The following HTR2A variants were observed in gnomAD, a reference collection of about 807,000 sequenced individuals.
HTR2A encodes the protein 5-HT2 receptor.
A neutral mutation model predicts 31.0 loss-of-function variants in HTR2A; 14 were observed. That is an observed-to-expected ratio of 0.45 (90% confidence interval 0.30 to 0.71). HTR2A has a LOEUF of 0.71. Among genes scored for constraint, HTR2A ranks in the 30% least tolerant of loss-of-function variants. HTR2A has a pLI of 0.09. For missense variants in HTR2A, 442 were observed against 573.3 expected, an observed-to-expected ratio of 0.77 and a Z score of 2.34; for synonymous variants, 209 against 225.2, an observed-to-expected ratio of 0.93 and a Z score of 0.64.
chr13:46,834,985 T>C lies in HTR2A; in HGVS notation c.1268A>G (p.Gln423Arg). Residue 423 changes from glutamine to arginine, a missense_variant, in exon 4 of 4, where the codon CAA (glutamine) becomes CGA (arginine). By Grantham distance (43) the Gln-to-Arg change is conservative. Transcript: ENST00000542664. Reference protein sequence around the residue: ...TIPALAYKSSQLQMGQKKNSK... With the variant: ...TIPALAYKSSRLQMGQKKNSK... ...ATTCTTTTTTTGTCCCATTTGAAGTTGGCTAGACTTGTAGGCCAAAGCCGG... is the reference window on the plus strand; with the variant it reads ...ATTCTTTTTTTGTCCCATTTGAAGTCGGCTAGACTTGTAGGCCAAAGCCGG... The C allele has an allele frequency of 6.2e-7, 1 of 1,614,182 alleles. No individual in the cohort carries two copies. Among genetic ancestry groups the C allele is most frequent in the Non-Finnish European group, 8.5e-7 (1 of 1,179,998 alleles).
chr13:46,863,442 G>T (rs1950794770), intron 3 of HTR2A, among the ~76,000 whole-genome samples: 1 of 151,728 alleles, frequency 6.6e-6, no homozygotes, highest in South Asian at 2.1e-4. Flanking sequence ...GGGCAACATA[G>T]CAGCGCCTCA....
At chr13:46,863,644 A>AGAAAG (rs1337351916) in intron 3 of HTR2A, among the ~76,000 whole-genome samples, 19 of 88,194 alleles carry the variant, frequency 2.2e-4, no homozygotes, top group Non-Finnish European at 4.3e-4. Flanking sequence ...AAAAAAAAAA[A>AGAAAG]AAAAAGAAAA....
rs111460355 is a variant in HTR2A, at chr13:46,883,106, A to T, written c.613+9284T>A. On this transcript the variant is annotated intron_variant, in intron 3 of 3. Transcript: ENST00000542664. ...GCAGCCAATTATAGAAAATAAAAACATAACATGAAGCGATGCTAAAACCCC... is the reference window on the plus strand; with the variant it reads ...GCAGCCAATTATAGAAAATAAAAACTTAACATGAAGCGATGCTAAAACCCC... Among the ~76,000 whole-genome samples, 1,090 of 152,368 alleles carry T rather than the reference A, an allele frequency of 7.2e-3. 13 individuals carry two copies. Among genetic ancestry groups the T allele is most frequent in the African/African-American group, 0.025 (1,041 of 41,592 alleles).
At chr13:46,846,177 T>C (rs6561333) in intron 3 of HTR2A, among the ~76,000 whole-genome samples, 91,113 of 152,014 alleles carry the variant, frequency 0.6, 28,725 homozygotes, top group African/African-American at 0.8. Context: ...GTCATTTAAT[T>C]GGAGTTTTTT....
chr13:46,870,282 G>A (rs1950854729), intron 3 of HTR2A, among the ~76,000 whole-genome samples: 1 of 152,138 alleles, frequency 6.6e-6, no homozygotes, highest in South Asian at 2.1e-4. Context: ...CTAAACTACT[G>A]TCTTGAACAT....
chr13:46,871,773 TTAGAAG>T (rs1159792149), intron 3 of HTR2A, among the ~76,000 whole-genome samples: 1 of 152,168 alleles, frequency 6.6e-6, no homozygotes, highest in Non-Finnish European at 1.5e-5. Flanking sequence ...ATGTGGAAAC[TTAGAAG>T]TAGAATCTCT....
chr13:46,881,898 T>C (rs1950967218), intron 3 of HTR2A, among the ~76,000 whole-genome samples: 1 of 152,238 alleles, frequency 6.6e-6, no homozygotes, highest in African/African-American at 2.4e-5. Context: ...TTTCAAGCAT[T>C]TTTTTTCCAG....
At chr13:46,856,630 G>A (rs1057128009) in intron 3 of HTR2A, among the ~76,000 whole-genome samples, 2 of 152,016 alleles carry the variant, frequency 1.3e-5, no homozygotes, top group Non-Finnish European at 2.9e-5. Flanking sequence ...TAGGCTGAAT[G>A]GGCCATTTGT....
intron 3 of HTR2A, among the ~76,000 whole-genome samples, chr13:46,864,112 A>G (rs1950802375): frequency 6.6e-6 from 1 of 152,162 alleles, no homozygotes; most frequent in Admixed American, 6.5e-5. Context: ...TGTCCTTTGC[A>G]GGGACATGGA....
chr13:46,869,303 A>C (rs1163088385), intron 3 of HTR2A, among the ~76,000 whole-genome samples: 2 of 152,212 alleles, frequency 1.3e-5, no homozygotes, highest in Non-Finnish European at 2.9e-5. Flanking sequence ...CAAAGAAGAC[A>C]TTACAAATGA....
At chr13:46,835,713 T>C (rs1047031697) in intron 3 of HTR2A, 74 bp from the exon 4 acceptor site, 51 of 1,089,416 alleles carry the variant, frequency 4.7e-5, no homozygotes, top group Non-Finnish European at 6.8e-5. Context: ...CATCACATAA[T>C]ATTGGCTATT....
chr13:46,883,282 A>G (rs899876633), intron 3 of HTR2A, among the ~76,000 whole-genome samples: 4 of 152,198 alleles, frequency 2.6e-5, no homozygotes, highest in African/African-American at 9.6e-5. Flanking sequence ...GATTCTATGT[A>G]AGGTGTCACA....
intron 3 of HTR2A, among the ~76,000 whole-genome samples, chr13:46,864,129 C>CTGG (rs371868735): frequency 7.0e-4 from 107 of 152,064 alleles, no homozygotes; most frequent in African/African-American, 2.5e-3. Flanking sequence ...TGGATGGAGC[C>CTGG]TGGAGGCCAT....
rs1012865045 is a variant in HTR2A, at chr13:46,896,822, C to T, written c.-477G>A. On this transcript the variant is annotated 5_prime_UTR_variant, in exon 1 of 4. Transcript: ENST00000542664. ...AATTTGGTTTCTGTTTTGCTGACTT[C>T]AAAAACTGCATGCAAGAGCTGAGCC... 2 of 1,536,876 alleles carry T rather than the reference C, an allele frequency of 1.3e-6. No homozygotes were observed. Among genetic ancestry groups the T allele is most frequent in the African/African-American group, 2.7e-5 (2 of 73,032 alleles).
At position 46,835,150 on chromosome 13, in the gene HTR2A, A is replaced by C. The variant is rs1337083147; in HGVS notation, c.1103T>G (p.Ile368Ser). The stretch of plus-strand genomic sequence containing the variant: ...GTTGACTGCTGAAGAGAGATAACCG[A>C]TCCAAACAAACACATTGAGCAGGGC... ...IGALLNVFVWIGYLSSAVNPL... is the reference protein window; with the variant it reads ...IGALLNVFVWSGYLSSAVNPL... The change falls in exon 4 of 4, where the codon ATC (isoleucine) becomes AGC (serine). Residue 368 changes from isoleucine (I) to serine (S), a missense_variant. Around this residue, in one of 5 missense-constraint regions of HTR2A, gnomAD observed 174 missense variants for 195.1 expected, o/e 0.89. Coordinates refer to ENST00000542664, the MANE Select transcript of HTR2A (RefSeq NM_000621.5). 1 of 1,614,078 alleles carries C rather than the reference A, an allele frequency of 6.2e-7. No individual in the cohort carries two copies.
intron 3 of HTR2A, among the ~76,000 whole-genome samples, chr13:46,883,385 T>A (rs1485551918): frequency 3.9e-5 from 6 of 152,086 alleles, no homozygotes; most frequent in African/African-American, 1.4e-4. Context: ...ATTATGTTTA[T>A]CCTTGAGGGA....
chr13:46,847,252 G>T (rs1270474946), intron 3 of HTR2A, among the ~76,000 whole-genome samples: 1 of 152,168 alleles, frequency 6.6e-6, no homozygotes, highest in African/African-American at 2.4e-5. Flanking sequence ...GTTCTGCTAG[G>T]ATTTCTACCC....
rs1355675306 is a variant in HTR2A, at chr13:46,834,153, A to T, written c.*684T>A. On this transcript the variant is annotated 3_prime_UTR_variant, in exon 4 of 4. Transcript: ENST00000542664. ...AGTAAAGCACAAGAAGTAGAAGAGA[A>T]AGCAGCAATAGTTATTGAATAACAT... 6.5e-6 allele frequency: 1 copy of T among 152,676 alleles called. No individual in the cohort carries two copies. Among genetic ancestry groups the T allele is most frequent in the Non-Finnish European group, 1.5e-5 (1 of 68,044 alleles). The allele number at this position is 152,676 out of a possible 1,614,324, so 9.5% of individuals were successfully genotyped here.
At chr13:46,871,445 C>A (rs1395161839) in intron 3 of HTR2A, among the ~76,000 whole-genome samples, 1 of 152,172 alleles carries the variant, frequency 6.6e-6, no homozygotes, top group Non-Finnish European at 1.5e-5. Flanking sequence ...CTATTACAGG[C>A]TGCTGAACCA....
Sources: gnomAD v4.1 joint callset for allele counts (sites outside exome capture counted in the v4.1 genomes callset) on GRCh38, gnomAD v4.1.1 for gene constraint, gnomAD v4.1.1 regional missense constraint, MANE v1.5 for transcripts, NCBI Gene and HGNC (gene_info 2026-07-23, HGNC 2026-07-21) for gene names.